NAA16: variants seen among roughly 807,000 people sequenced by gnomAD.
NAA16 encodes NARG1-like protein.
A neutral mutation model predicts 110.3 loss-of-function variants in NAA16; 97 were observed. That is an observed-to-expected ratio of 0.88 (90% CI 0.75 to 1.04). The LOEUF (loss-of-function observed/expected upper bound fraction) is 1.04, where lower values mean the gene tolerates loss of function less well. NAA16 is among the 50% of genes least tolerant of loss of function. The pLI is 0.00. For synonymous variants in NAA16, 372 were observed against 330.6 expected, an observed-to-expected ratio of 1.13 and a Z score of -1.36; for missense variants, 1,017 against 1,005.1, an observed-to-expected ratio of 1.01 and a Z score of -0.16.
chr13:41,365,368 G>C (rs2043188557), intron 13 of NAA16, among the ~76,000 whole-genome samples: 1 of 152,082 alleles, frequency 6.6e-6, no homozygotes, highest in Admixed American at 6.6e-5. Flanking sequence ...TATGTAGGCT[G>C]TAACCTTCGG....
chr13:41,348,680 C>CT (rs1018838151), intron 9 of NAA16, among the ~76,000 whole-genome samples: 3 of 151,912 alleles, frequency 2.0e-5, no homozygotes, highest in Non-Finnish European at 2.9e-5. Flanking sequence ...GTTCTCTCCT[C>CT]TTTTTTTGGG....
Position 41,372,767 on chromosome 13 carries a change from G to A in NAA16, c.2092G>A (p.Ala698Thr), listed in dbSNP as rs768353581. The A allele has an allele frequency of 1.2e-6, 2 of 1,603,210 alleles. No homozygotes were observed. The highest frequency in any genetic ancestry group is 1.7e-5 in the Admixed American group (1 of 59,216). The change falls in exon 17 of 20, where the codon GCT becomes ACT. Residue 698 changes from alanine to threonine, a missense_variant. Ala to Thr is a moderately conservative substitution (Grantham distance 58). Transcript: ENST00000379406. ...GTTAATGCTGCAGTCTGTCAAACGA[G>A]CTTTTGCCATTAACAGTAATAACCC... ...FLLMLQSVKR[A>T]FAINSNNPWL...
Position 41,362,135 on chromosome 13 carries a change from G to GA in NAA16, c.1521dup (p.Cys508MetfsTer3). ...GTCTGGGGAGATACGGGGATGCCTT[G>GA]AAAAAATGTCATGAAGTAGAAAGGG... On this transcript the variant is annotated frameshift_variant, in exon 13 of 20. Coordinates refer to ENST00000379406, the MANE Select transcript of NAA16 (RefSeq NM_024561.5). LOFTEE classifies it high-confidence loss of function. The GA allele has an allele frequency of 1.2e-6, 2 of 1,603,768 alleles. No individual in the cohort carries two copies. Among genetic ancestry groups the GA allele is most frequent in the Non-Finnish European group, 1.7e-6 (2 of 1,176,692 alleles).
chr13:41,358,969 A>G lies in NAA16; in HGVS notation c.1410+7A>G. ...GTGCTCCAAGTTCACAAGGGTAGGA[A>G]ATAGCATGCATGAGCATGTAATTGT... is the stretch of plus-strand genomic sequence containing the variant. On this transcript the variant is annotated splice_region_variant and intron_variant, in intron 12 of 19. Coordinates refer to ENST00000379406, the MANE Select transcript of NAA16 (RefSeq NM_024561.5). The G allele has an allele frequency of 1.3e-6, 2 of 1,592,774 alleles. No homozygotes were observed. Among genetic ancestry groups the G allele is most frequent in the South Asian group, 2.3e-5 (2 of 88,644 alleles).
chr13:41,374,598 T>G, intron 18 of NAA16, 144 bp from the exon 19 acceptor site: 1 of 559,996 alleles, frequency 1.8e-6, no homozygotes, highest in South Asian at 2.4e-5. Flanking sequence ...ATGTCACACT[T>G]GGCTCTCTTG....
At chr13:41,344,011 A>G (rs2042621074) in intron 9 of NAA16, among the ~76,000 whole-genome samples, 1 of 152,250 alleles carries the variant, frequency 6.6e-6, no homozygotes, top group Admixed American at 6.5e-5. Flanking sequence ...GTGTTGTTAT[A>G]TAATCTTCAT....
In NAA16 at chr13:41,376,441, A is replaced by G. The variant is rs936348930; in HGVS notation, c.*839A>G. On this transcript the variant is annotated 3_prime_UTR_variant, in exon 20 of 20. Transcript: ENST00000379406. ...GAATAAGGGTACTCTAGTTTTATGTAGATGATTTCAGAATGTGAAGGCTGG... is the reference window on the plus strand; with the variant it reads ...GAATAAGGGTACTCTAGTTTTATGTGGATGATTTCAGAATGTGAAGGCTGG... The G allele has an allele frequency of 1.3e-5, 2 of 152,192 alleles. No individual in the cohort carries two copies. The highest frequency in any genetic ancestry group is 1.3e-4 in the Admixed American group (2 of 15,274). 9.4% of individuals were successfully genotyped at this position (152,192 alleles called of 1,614,324 possible).
chr13:41,341,417 C>G (rs887135312), intron 9 of NAA16, among the ~76,000 whole-genome samples: 4 of 152,028 alleles, frequency 2.6e-5, no homozygotes, highest in African/African-American at 9.7e-5. Flanking sequence ...CAAGTGATTA[C>G]AAGAAAAAGG....
intron 9 of NAA16, among the ~76,000 whole-genome samples, chr13:41,338,502 A>G (rs979731263): frequency 6.6e-6 from 1 of 152,206 alleles, no homozygotes; most frequent in East Asian, 1.9e-4. Context: ...TTTTAAAGCA[A>G]GCAACAGGAA....
intron 13 of NAA16, among the ~76,000 whole-genome samples, chr13:41,365,741 A>G (rs2043195684): frequency 6.6e-6 from 1 of 152,184 alleles, no homozygotes; most frequent in African/African-American, 2.4e-5. Context: ...TTAACTGGAG[A>G]GAGGCAGCCT....
chr13:41,318,899 A>G lies in NAA16; in HGVS notation c.233A>G (p.Lys78Arg), dbSNP rs745915258. 7 of 1,586,252 alleles carry G rather than the reference A, an allele frequency of 4.4e-6. No homozygotes were observed. The highest frequency in any genetic ancestry group is 3.5e-5 in the South Asian group (3 of 86,552). The change falls in exon 3 of 20, where the codon AAG (lysine) becomes AGG (arginine). Residue 78 changes from lysine (K) to arginine (R), a missense_variant. Transcript: ENST00000379406. ...FVRKGLRNDV[K>R]SHVCWHVYGL... ...CGTAAAGGACTTCGTAATGATGTCA[A>G]GAGTCATGTCTGTATCCTTTTGCAG...
intron 13 of NAA16, 70 bp downstream of exon 13, chr13:41,362,229 G>C (rs1246803808): frequency 3.4e-6 from 5 of 1,478,308 alleles, no homozygotes; most frequent in Middle Eastern, 3.6e-4. Context: ...TTCTACACAG[G>C]ATCATCTGCC....
chr13:41,322,459 G>A (rs1223920612), intron 4 of NAA16, among the ~76,000 whole-genome samples: 1 of 152,120 alleles, frequency 6.6e-6, no homozygotes, highest in Non-Finnish European at 1.5e-5. Context: ...GAAAATCTTG[G>A]GATTTAGAGG....
intron 9 of NAA16, among the ~76,000 whole-genome samples, chr13:41,341,983 T>C (rs2042561651): frequency 6.6e-6 from 1 of 151,254 alleles, no homozygotes; most frequent in Non-Finnish European, 1.5e-5. Flanking sequence ...AGGCGCCCGC[T>C]ACCATGCCCG....
intron 19 of NAA16, 60 bp from the exon 20 acceptor site, chr13:41,375,342 AGTG>A: frequency 8.5e-7 from 1 of 1,176,200 alleles, no homozygotes; most frequent in Non-Finnish European, 1.2e-6. Context: ...TTTTGATTAA[AGTG>A]GTTATTAACT....
intron 1 of NAA16, among the ~76,000 whole-genome samples, chr13:41,313,624 G>GT (rs1338035019): frequency 2.0e-5 from 3 of 152,166 alleles, no homozygotes; most frequent in South Asian, 2.1e-4. Flanking sequence ...TGACCAGCTG[G>GT]TTTTTTACGT....
chr13:41,375,654 G>T lies in NAA16; in HGVS notation c.*52G>T, dbSNP rs779456662. 18 of 1,393,942 alleles carry T rather than the reference G, an allele frequency of 1.3e-5. No homozygotes were observed. Among genetic ancestry groups the T allele is most frequent in the Non-Finnish European group, 1.7e-5 (17 of 1,026,622 alleles). 86.3% of individuals were successfully genotyped at this position (1,393,942 alleles called of 1,614,324 possible). ...GACTCAAAGCTGAATTGAGATCAGG[G>T]TTTCTTTTCCAGGGTGCATTTTAAT... On this transcript the variant is annotated 3_prime_UTR_variant, in exon 20 of 20. Transcript: ENST00000379406.
chr13:41,363,884 ATATATC>A (rs1204925964), intron 13 of NAA16, among the ~76,000 whole-genome samples: 1 of 152,154 alleles, frequency 6.6e-6, no homozygotes, highest in Non-Finnish European at 1.5e-5. Context: ...TCTTCAGTGA[ATATATC>A]TATACTAAAA....
At chr13:41,340,913 C>T (rs745412946) in intron 9 of NAA16, among the ~76,000 whole-genome samples, 25 of 151,790 alleles carry the variant, frequency 1.6e-4, no homozygotes, top group Non-Finnish European at 2.8e-4. Context: ...GTGATACACC[C>T]GCCTCGGCCT....
Sources: allele counts gnomAD v4.1 joint callset (sites outside exome capture counted in the v4.1 genomes callset), GRCh38; gene constraint gnomAD v4.1.1; transcripts MANE v1.5; gene names NCBI Gene and HGNC (gene_info 2026-07-23, HGNC 2026-07-21).